The following SPECC1 variants were observed in gnomAD, a reference collection of about 807,000 sequenced individuals.
The protein encoded by SPECC1 is sperm antigen with calponin homology and coiled-coil domains 1.
A neutral mutation model predicts 104.1 loss-of-function variants in SPECC1; 62 were observed. The ratio of observed to expected loss-of-function variants is 0.60; its 90% CI spans 0.49 to 0.74. The LOEUF (loss-of-function observed/expected upper bound fraction) is 0.74. SPECC1 is among the 30% of genes least tolerant of loss of function. The pLI, the probability that SPECC1 is intolerant of heterozygous loss-of-function variation, is 0.00. For missense variants in SPECC1, 1,306 were observed against 1,310.5 expected (o/e 1.00, Z 0.05); for synonymous variants, 513 against 501.6 (o/e 1.02, Z -0.30).
rs554325435 is a variant in SPECC1 at position 20,226,519 on chromosome 17, A to G, written c.1864-894A>G. On this transcript the variant is annotated intron_variant, in intron 4 of 14. Transcript: ENST00000395527. ...GGATTGACCACATACCAATTTTAGG[A>G]TAATGCTTATTACTCTCTGAGGTAG... Among the ~76,000 whole-genome samples, 22 of 152,342 alleles carry G rather than the reference A, an allele frequency of 1.4e-4. No homozygotes were observed. In the South Asian group the frequency reaches 3.5e-3, roughly 24 times the overall value.
intron 3 of SPECC1, among the ~76,000 whole-genome samples, chr17:20,140,999 G>A (rs1194205831): frequency 4.6e-5 from 7 of 152,130 alleles, no homozygotes; most frequent in Non-Finnish European, 8.8e-5. Flanking sequence ...GAACAACGAC[G>A]GGGCCTGCTG....
chr17:20,167,378 A>G (rs2033742762), intron 3 of SPECC1, among the ~76,000 whole-genome samples: 1 of 152,086 alleles, frequency 6.6e-6, no homozygotes, highest in South Asian at 2.1e-4. Flanking sequence ...TCACAAAGTG[A>G]CTTAAGAAAA....
intron 1 of SPECC1, among the ~76,000 whole-genome samples, chr17:20,064,421 C>T (rs1402330846): frequency 1.3e-5 from 2 of 152,184 alleles, no homozygotes; most frequent in African/African-American, 2.4e-5. Context: ...CTGCTTTTCT[C>T]TTTCTGGCTA....
chr17:20,032,324 A>G (rs2044848695), intron 1 of SPECC1, among the ~76,000 whole-genome samples: 1 of 152,206 alleles, frequency 6.6e-6, no homozygotes, highest in African/African-American at 2.4e-5. Context: ...ACAAAAATCT[A>G]GGAAGTTACT....
At chr17:20,264,829 A>G (rs1306169120) in intron 12 of SPECC1, among the ~76,000 whole-genome samples, 2 of 152,104 alleles carry the variant, frequency 1.3e-5, no homozygotes, top group Non-Finnish European at 1.5e-5. Context: ...CTTTATATCC[A>G]TATGTACTCA....
At chr17:20,110,982 C>T (rs760487283) in intron 3 of SPECC1, among the ~76,000 whole-genome samples, 1 of 152,084 alleles carries the variant, frequency 6.6e-6, no homozygotes, top group Non-Finnish European at 1.5e-5. Context: ...GGAAGAGCCT[C>T]GCCCAGCAGC....
rs116997142 is a variant in SPECC1, at chr17:20,196,975, G to T, written c.284-7358G>T. Among the ~76,000 whole-genome samples, 1,036 of 152,218 alleles carry T rather than the reference G, an allele frequency of 6.8e-3. 6 individuals carry two copies. The highest frequency in any genetic ancestry group is 0.01 in the Middle Eastern group (3 of 294). On this transcript the variant is annotated intron_variant, in intron 3 of 14. Transcript: ENST00000395527. ...TTTTTGTTTTGCTTTCAAAATATTT[G>T]ATTTAAGCACTTATTTTTGTTTCAG...
At chr17:20,269,954 G>A (rs1598115019) in intron 12 of SPECC1, among the ~76,000 whole-genome samples, 1 of 152,194 alleles carries the variant, frequency 6.6e-6, no homozygotes, top group Non-Finnish European at 1.5e-5. Flanking sequence ...ACTGACACAG[G>A]CTGCAGTATG....
At chr17:20,182,119 C>CTTTTTTTTTTTTTTTTTTTT (rs57991209) in intron 3 of SPECC1, among the ~76,000 whole-genome samples, 1 of 136,580 alleles carries the variant, frequency 7.3e-6, no homozygotes, top group African/African-American at 2.8e-5. Context: ...CTTTCTTTTT[C>CTTTTTTTTTTTTTTTTTTTT]TTTTTTTTTT....
chr17:20,291,992 G>A (rs2041182993), intron 12 of SPECC1, among the ~76,000 whole-genome samples: 1 of 151,214 alleles, frequency 6.6e-6, no homozygotes, highest in Non-Finnish European at 1.5e-5. Context: ...CACTTGCCTT[G>A]TGTACACAGA....
At chr17:20,214,158 C>T (rs948319229) in intron 4 of SPECC1, among the ~76,000 whole-genome samples, 1 of 152,228 alleles carries the variant, frequency 6.6e-6, no homozygotes, top group African/African-American at 2.4e-5. Context: ...TCAAGCAGCC[C>T]TCCCACTTTA....
intron 3 of SPECC1, among the ~76,000 whole-genome samples, chr17:20,178,186 CCTCT>C (rs369578451): frequency 2.6e-5 from 4 of 152,172 alleles, no homozygotes; most frequent in African/African-American, 9.7e-5. Context: ...ACTCCCGACT[CCTCT>C]CTATTTTAAA....
chr17:20,053,169 T>G (rs929831757), intron 1 of SPECC1, among the ~76,000 whole-genome samples: 4 of 152,338 alleles, frequency 2.6e-5, no homozygotes, highest in East Asian at 1.9e-4. Flanking sequence ...TCCACCGAAA[T>G]TTCCTACTCT....
chr17:20,058,932 C>G (rs2152469591), intron 1 of SPECC1, among the ~76,000 whole-genome samples: 1 of 150,394 alleles, frequency 6.6e-6, no homozygotes, highest in Admixed American at 6.6e-5. Flanking sequence ...CTCTGCCTCC[C>G]AGGTTCACAC....
In SPECC1 at chr17:20,114,492, T is replaced by G. The variant is rs1003888035; in HGVS notation, c.283+3930T>G. 8.6e-5 allele frequency among the ~76,000 whole-genome samples: 12 copies of G among 140,172 alleles called. 1 individual carries two copies. The highest frequency in any genetic ancestry group is 2.0e-4 in the East Asian group (1 of 4,988). The allele number at this position is 140,172 out of a possible 152,430, so 92.0% of individuals were successfully genotyped here. A position where few individuals can be genotyped will look rare whatever the true frequency, so the allele number is the denominator to read the frequency against. On this transcript the variant is annotated intron_variant, in intron 3 of 14. Transcript: ENST00000395527. ...GGCGTGAGTCATGGCGCCCAGCCTG[T>G]TTTTTTTTTTGTTTTTTTTTTTAGT...
At chr17:20,240,412 C>T (rs2039150720) in intron 7 of SPECC1, among the ~76,000 whole-genome samples, 1 of 151,772 alleles carries the variant, frequency 6.6e-6, no homozygotes. Flanking sequence ...TGTGATATGG[C>T]TTTATCTTTA....
At chr17:20,218,937 C>A (rs1184633286) in intron 4 of SPECC1, among the ~76,000 whole-genome samples, 2 of 151,062 alleles carry the variant, frequency 1.3e-5, no homozygotes, top group Non-Finnish European at 2.9e-5. Context: ...TTTCACTTAA[C>A]ATAATGATTT....
At chr17:20,155,554 G>A (rs1046532285) in intron 3 of SPECC1, 1 of 152,240 alleles carries the variant, frequency 6.6e-6, no homozygotes, top group African/African-American at 2.4e-5. Context: ...TTTTGGGTGA[G>A]TACGTCTTTG....
rs117404370 is a variant in SPECC1, at chr17:20,248,889, A to G, written c.2598+1570A>G. Among the ~76,000 whole-genome samples, 226 of 152,240 alleles carry G rather than the reference A, an allele frequency of 1.5e-3. 6 individuals are homozygous for G. In the East Asian group the frequency reaches 0.041, roughly 27 times the overall value. Reference sequence around the variant, plus strand: ...ATTTTGTTTTGTTTCCTGCCTTAAAATGTCTTTTCTAGCTATTAGATGATT... The same window carrying G: ...ATTTTGTTTTGTTTCCTGCCTTAAAGTGTCTTTTCTAGCTATTAGATGATT... On this transcript the variant is annotated intron_variant, in intron 9 of 14. Transcript: ENST00000395527.
Sources: allele counts gnomAD v4.1 joint callset (sites outside exome capture counted in the v4.1 genomes callset), GRCh38; gene constraint gnomAD v4.1.1; transcripts MANE v1.5; gene names NCBI Gene and HGNC (gene_info 2026-07-23, HGNC 2026-07-21).